The following ERBB4 variants were observed in gnomAD, a reference collection of about 807,000 sequenced individuals.
ERBB4 encodes the protein receptor tyrosine-protein kinase erbB-4.
ERBB4 carries 42 observed loss-of-function variants against 158.0 expected under a neutral mutation model. That is an observed-to-expected ratio of 0.27 (90% confidence interval 0.21 to 0.34). The LOEUF is 0.34. Among genes scored for constraint, ERBB4 ranks in the 10% least tolerant of loss-of-function variants. The pLI is 1.00. For missense variants in ERBB4, 1,333 were observed against 1,624.1 expected (o/e 0.82, Z 3.08); for synonymous variants, 583 against 558.7 (o/e 1.04, Z -0.61).
chr2:212,401,020 T>C (rs2091188705), intron 1 of ERBB4, among the ~76,000 whole-genome samples: 1 of 152,172 alleles, frequency 6.6e-6, no homozygotes, highest in African/African-American at 2.4e-5. Flanking sequence ...TTTTGGTTCA[T>C]AACGATACAG....
chr2:211,402,180 C>CCTAT (rs2063058071), intron 25 of ERBB4, among the ~76,000 whole-genome samples: 2 of 151,778 alleles, frequency 1.3e-5, no homozygotes, highest in African/African-American at 4.8e-5. Context: ...TTTTAGAAAC[C>CCTAT]CTATCTAATT....
chr2:211,705,624 G>C (rs2073409903), intron 9 of ERBB4, among the ~76,000 whole-genome samples: 1 of 152,132 alleles, frequency 6.6e-6, no homozygotes, highest in South Asian at 2.1e-4. Context: ...AGATCTATAA[G>C]ATTATTCAGC....
chr2:211,475,952 G>A (rs114493123), intron 20 of ERBB4, among the ~76,000 whole-genome samples: 1,579 of 152,034 alleles, frequency 0.01, 26 homozygotes, highest in African/African-American at 0.036. Context: ...ATAACTACAC[G>A]ATCAATTCCA....
In ERBB4 at chr2:211,733,600, G is replaced by T. The variant is rs964521761; in HGVS notation, c.623-8406C>A. On this transcript the variant is annotated intron_variant, in intron 5 of 27. Coordinates refer to ENST00000342788, the MANE Select transcript of ERBB4 (RefSeq NM_005235.3). ...ATAAACCAAGAAATATGGAAAATTT[G>T]GTATTCAAATTTTTTAAATCACTGT... Among the ~76,000 whole-genome samples, 8 of 150,258 alleles carry T rather than the reference G, an allele frequency of 5.3e-5. 1 individual carries two copies. The highest frequency in any genetic ancestry group is 2.0e-4 in the African/African-American group (8 of 39,854).
intron 1 of ERBB4, among the ~76,000 whole-genome samples, chr2:212,223,473 T>C (rs956365012): frequency 2.7e-5 from 4 of 149,594 alleles, no homozygotes; most frequent in Non-Finnish European, 4.5e-5. Flanking sequence ...CTTGTCCTCC[T>C]GAACCAAAAG....
At chr2:211,776,387 T>C (rs999551325) in intron 4 of ERBB4, among the ~76,000 whole-genome samples, 2 of 152,192 alleles carry the variant, frequency 1.3e-5, no homozygotes, top group Admixed American at 6.5e-5. Context: ...TTATCACTGC[T>C]GTTTCCCATA....
At chr2:211,859,714 T>A in intron 3 of ERBB4, among the ~76,000 whole-genome samples, 1 of 152,160 alleles carries the variant, frequency 6.6e-6, no homozygotes, top group East Asian at 1.9e-4. Context: ...ATTAAAGCAA[T>A]CTGCTCATTA....
In ERBB4 at chr2:212,316,521, T is replaced by G. The variant is rs74411567; in HGVS notation, c.83-191618A>C. On this transcript the variant is annotated intron_variant, in intron 1 of 27. Coordinates refer to ENST00000342788, the MANE Select transcript of ERBB4 (RefSeq NM_005235.3). ...CATGGAAATTCGCATTCACGCTAAG[T>G]AAGCTTTCAGGTGAATTTACTTTGG... is the stretch of plus-strand genomic sequence containing the variant. Among the ~76,000 whole-genome samples, 7 of 151,652 alleles carry G rather than the reference T, an allele frequency of 4.6e-5. No individual in the cohort carries two copies. In the East Asian group the frequency reaches 1.4e-3, roughly 30 times the overall value.
At chr2:212,260,885 G>C (rs1165469871) in intron 1 of ERBB4, among the ~76,000 whole-genome samples, 1 of 152,028 alleles carries the variant, frequency 6.6e-6, no homozygotes, top group Non-Finnish European at 1.5e-5. Flanking sequence ...TGAAGAAAAG[G>C]GTGACAGGAA....
chr2:211,696,352 C>T (rs1443245244), intron 12 of ERBB4, among the ~76,000 whole-genome samples: 1 of 152,136 alleles, frequency 6.6e-6, no homozygotes, highest in South Asian at 2.1e-4. Flanking sequence ...TGCAGGTGAT[C>T]TGCCCACCTC....
chr2:211,799,004 TG>T (rs2076442163), intron 3 of ERBB4, among the ~76,000 whole-genome samples: 1 of 152,114 alleles, frequency 6.6e-6, no homozygotes, highest in African/African-American at 2.4e-5. Flanking sequence ...TCCCTCTGTT[TG>T]GATCAGGTTG....
chr2:211,742,357 C>T (rs1468078241), intron 5 of ERBB4, among the ~76,000 whole-genome samples: 1 of 152,164 alleles, frequency 6.6e-6, no homozygotes, highest in Admixed American at 6.5e-5. Context: ...TGTCATTTTG[C>T]TTTCACATTC....
intron 1 of ERBB4, among the ~76,000 whole-genome samples, chr2:212,510,648 A>G (rs920208341): frequency 6.6e-6 from 1 of 152,084 alleles, no homozygotes; most frequent in East Asian, 1.9e-4. Context: ...AATTGTGAGT[A>G]GATAGAATAA....
chr2:211,665,449 T>A lies in ERBB4; in HGVS notation c.1745A>T (p.His582Leu), dbSNP rs2071592797. The A allele has an allele frequency of 6.2e-7, 1 of 1,613,702 alleles. No homozygotes were observed. The highest frequency in any genetic ancestry group is 1.3e-5 in the African/African-American group (1 of 74,774). The change falls in exon 15 of 28, where the codon CAT becomes CTT. Residue 582 changes from histidine (H) to leucine (L), a missense_variant. Physicochemically the swap from His to Leu is moderately conservative, Grantham distance 99. Coordinates refer to ENST00000342788, the MANE Select transcript of ERBB4 (RefSeq NM_005235.3). ...CACACAGTTTGGGCCATCTTTAAAA[T>A]GAGAGCACTTTGTACAGTTGTCAGG... ...PGPDNCTKCS[H>L]FKDGPNCVEK...
intron 9 of ERBB4, among the ~76,000 whole-genome samples, chr2:211,710,527 G>A (rs369050818): frequency 1.3e-5 from 2 of 152,110 alleles, no homozygotes; most frequent in East Asian, 3.8e-4. Flanking sequence ...AAGGCCAGTG[G>A]GGACTATGGT....
At chr2:212,481,972 A>T (rs1227987213) in intron 1 of ERBB4, among the ~76,000 whole-genome samples, 17 of 152,200 alleles carry the variant, frequency 1.1e-4, no homozygotes, top group Admixed American at 1.1e-3. Flanking sequence ...GGTAGCAGCA[A>T]TTGAGTCTTG....
At chr2:212,464,755 T>C (rs1415772256) in intron 1 of ERBB4, among the ~76,000 whole-genome samples, 1 of 152,112 alleles carries the variant, frequency 6.6e-6, no homozygotes, top group Non-Finnish European at 1.5e-5. Flanking sequence ...ACTGTTTCTT[T>C]CCCACAAAAC....
At chr2:212,249,958 G>A (rs1246004081) in intron 1 of ERBB4, among the ~76,000 whole-genome samples, 1 of 151,988 alleles carries the variant, frequency 6.6e-6, no homozygotes, top group Admixed American at 6.6e-5. Flanking sequence ...GTTGCACGAT[G>A]TAAAGGTTTG....
At chr2:212,443,902 C>A (rs1231523929) in intron 1 of ERBB4, among the ~76,000 whole-genome samples, 1 of 152,152 alleles carries the variant, frequency 6.6e-6, no homozygotes, top group Non-Finnish European at 1.5e-5. Flanking sequence ...GACCATAGGT[C>A]ATCAAGTCAC....
Sources: gnomAD v4.1 joint callset for allele counts (sites outside exome capture counted in the v4.1 genomes callset) on GRCh38, gnomAD v4.1.1 for gene constraint, MANE v1.5 for transcripts, NCBI Gene and HGNC (gene_info 2026-07-23, HGNC 2026-07-21) for gene names.